TRAPPC9: variants seen among roughly 807,000 people sequenced by gnomAD.
TRAPPC9 encodes trafficking protein particle complex subunit 9.
TRAPPC9 carries 83 observed loss-of-function variants against 124.0 expected under a neutral mutation model. That is an observed-to-expected ratio of 0.67 (90% CI 0.56 to 0.80). TRAPPC9 has a LOEUF of 0.80. Ranked by LOEUF, TRAPPC9 falls within the 30% of genes least tolerant of loss-of-function variation. The pLI is 0.00. For synonymous variants in TRAPPC9, 638 were observed against 617.5 expected (o/e 1.03, Z -0.49); for missense variants, 1,302 against 1,508.3 (o/e 0.86, Z 2.27).
At chr8:139,849,553 T>G (rs934885160) in intron 21 of TRAPPC9, among the ~76,000 whole-genome samples, 3 of 152,258 alleles carry the variant, frequency 2.0e-5, no homozygotes, top group Admixed American at 1.3e-4. Flanking sequence ...GTAAATGTAT[T>G]ACATTACAAT....
At chr8:140,153,244 C>T (rs556383297) in intron 17 of TRAPPC9, among the ~76,000 whole-genome samples, 1 of 152,302 alleles carries the variant, frequency 6.6e-6, no homozygotes, top group African/African-American at 2.4e-5. Context: ...TCATTTCTCA[C>T]CAGTTTTGCT....
intron 7 of TRAPPC9, among the ~76,000 whole-genome samples, chr8:140,372,604 G>A (rs924519027): frequency 3.3e-5 from 5 of 152,146 alleles, no homozygotes; most frequent in African/African-American, 9.7e-5. Flanking sequence ...AGCCCCCAAG[G>A]TGATGGAATT....
chr8:140,015,554 G>A (rs569032428), intron 18 of TRAPPC9, among the ~76,000 whole-genome samples: 14 of 152,266 alleles, frequency 9.2e-5, no homozygotes, highest in African/African-American at 2.6e-4. Flanking sequence ...TTGGGAGGCC[G>A]AGGTGGGTGG....
At chr8:140,248,976 T>A (rs1010456427) in intron 16 of TRAPPC9, among the ~76,000 whole-genome samples, 5 of 152,206 alleles carry the variant, frequency 3.3e-5, no homozygotes, top group Non-Finnish European at 5.9e-5. Context: ...TACAGAAAAG[T>A]CACAAGAAAT....
chr8:139,884,596 C>T (rs1183948263), intron 21 of TRAPPC9, among the ~76,000 whole-genome samples: 1 of 152,174 alleles, frequency 6.6e-6, no homozygotes, highest in Non-Finnish European at 1.5e-5. Flanking sequence ...GCCAGGGGGG[C>T]CCAGATGTCT....
intron 21 of TRAPPC9, among the ~76,000 whole-genome samples, chr8:139,784,442 C>T (rs112104553): frequency 0.039 from 5,974 of 151,802 alleles, 417 homozygotes; most frequent in African/African-American, 0.14. Flanking sequence ...GGTATGGTGG[C>T]GGGCACCTGT....
intron 17 of TRAPPC9, among the ~76,000 whole-genome samples, chr8:140,067,388 C>T (rs1454245616): frequency 6.6e-6 from 1 of 152,192 alleles, no homozygotes; most frequent in Non-Finnish European, 1.5e-5. Context: ...TGTGATCTGT[C>T]TGCCTCGGCC....
intron 17 of TRAPPC9, among the ~76,000 whole-genome samples, chr8:140,082,477 A>G (rs966436072): frequency 4.6e-5 from 7 of 152,222 alleles, no homozygotes; most frequent in Admixed American, 4.6e-4. Context: ...GTGAGAGGCG[A>G]AAGTGCCACC....
intron 17 of TRAPPC9, among the ~76,000 whole-genome samples, chr8:140,180,040 A>G (rs1438882649): frequency 1.7e-5 from 2 of 114,968 alleles, no homozygotes; most frequent in Non-Finnish European, 3.3e-5. Context: ...CTCTACCACT[A>G]TATTGAAGCT....
intron 8 of TRAPPC9, among the ~76,000 whole-genome samples, chr8:140,363,464 T>A (rs2068014661): frequency 1.3e-5 from 2 of 152,180 alleles, no homozygotes; most frequent in Admixed American, 1.3e-4. Context: ...ACAGTGGAGA[T>A]GGGGTTTAAA....
At chr8:140,235,263 A>G (rs531463639) in intron 16 of TRAPPC9, among the ~76,000 whole-genome samples, 8 of 152,336 alleles carry the variant, frequency 5.3e-5, no homozygotes, top group African/African-American at 1.9e-4. Flanking sequence ...GTGAGCCACC[A>G]TGCCTGGCTG....
intron 15 of TRAPPC9, among the ~76,000 whole-genome samples, chr8:140,270,421 C>T (rs2131604753): frequency 6.6e-6 from 1 of 152,350 alleles, no homozygotes; most frequent in African/African-American, 2.4e-5. Flanking sequence ...AGGGCCATGC[C>T]ACCAAATGTC....
chr8:140,430,506 C>T (rs910412813), intron 4 of TRAPPC9, among the ~76,000 whole-genome samples: 20 of 152,310 alleles, frequency 1.3e-4, no homozygotes, highest in Non-Finnish European at 2.2e-4. Context: ...TGTTCTGCTC[C>T]GCCATGCCTA....
At chr8:140,168,537 T>C (rs1287037353) in intron 17 of TRAPPC9, among the ~76,000 whole-genome samples, 1 of 152,244 alleles carries the variant, frequency 6.6e-6, no homozygotes, top group African/African-American at 2.4e-5. Flanking sequence ...ACTTAGCCTG[T>C]TCTCAAGGCT....
At chr8:140,375,637 AATGCAAAC>A in intron 7 of TRAPPC9, among the ~76,000 whole-genome samples, 1 of 152,376 alleles carries the variant, frequency 6.6e-6, no homozygotes, top group Middle Eastern at 3.4e-3. Flanking sequence ...TCAATGAAAT[AATGCAAAC>A]ACTGAGCATA....
At chr8:139,740,114 G>A (rs1012131115) in intron 21 of TRAPPC9, among the ~76,000 whole-genome samples, 1 of 152,220 alleles carries the variant, frequency 6.6e-6, no homozygotes, top group African/African-American at 2.4e-5. Flanking sequence ...GCCCACAGAT[G>A]ACTTATGCAG....
intron 17 of TRAPPC9, among the ~76,000 whole-genome samples, chr8:140,122,267 C>G (rs1187196915): frequency 6.6e-6 from 1 of 152,176 alleles, no homozygotes; most frequent in Non-Finnish European, 1.5e-5. Context: ...AGATCCAACC[C>G]CAGTTGGGCC....
intron 17 of TRAPPC9, among the ~76,000 whole-genome samples, chr8:140,161,462 T>C (rs1338420508): frequency 5.9e-5 from 9 of 152,052 alleles, no homozygotes; most frequent in African/African-American, 1.9e-4. Flanking sequence ...TAATGAGCTA[T>C]CTTTGGGATG....
At chr8:139,858,747 T>C (rs1429775264) in intron 21 of TRAPPC9, among the ~76,000 whole-genome samples, 1 of 151,970 alleles carries the variant, frequency 6.6e-6, no homozygotes, top group Non-Finnish European at 1.5e-5. Flanking sequence ...GATAATGCTC[T>C]GTGCCTTCAA....
Sources: allele counts gnomAD v4.1 joint callset (sites outside exome capture counted in the v4.1 genomes callset), GRCh38; gene constraint gnomAD v4.1.1; transcripts MANE v1.5; gene names NCBI Gene and HGNC (gene_info 2026-07-23, HGNC 2026-07-21).